The following CDK5RAP1 variants were observed in gnomAD, a reference collection of about 807,000 sequenced individuals.
The protein encoded by CDK5RAP1 is mitochondrial tRNA methylthiotransferase CDK5RAP1.
In CDK5RAP1, 62 loss-of-function variants were observed where a neutral mutation model predicts 64.5. That is an observed-to-expected ratio of 0.96 (90% CI 0.78 to 1.19). CDK5RAP1 has a LOEUF of 1.19. Ranked by LOEUF, CDK5RAP1 falls within the 50% of genes most tolerant of loss-of-function variation. The probability of loss-of-function intolerance (pLI) is 0.00; values close to 1 mark genes in which losing one functional copy is unlikely to be tolerated. For synonymous variants in CDK5RAP1, 250 were observed against 261.9 expected (o/e 0.95, Z 0.44); for missense variants, 657 against 735.0 (o/e 0.89, Z 1.23).
At chr20:33,366,391 G>A (rs892242900) in intron 12 of CDK5RAP1, among the ~76,000 whole-genome samples, 13 of 150,766 alleles carry the variant, frequency 8.6e-5, no homozygotes, top group African/African-American at 3.2e-4. Flanking sequence ...GGAGGCTGAG[G>A]TGGGTGGATA....
chr20:33,390,981 G>A (rs948473273), intron 5 of CDK5RAP1, among the ~76,000 whole-genome samples: 7 of 152,188 alleles, frequency 4.6e-5, no homozygotes, highest in African/African-American at 9.7e-5. Flanking sequence ...GCCTGGTGCA[G>A]TGGCTCACAC....
chr20:33,379,627 TG>T lies in CDK5RAP1; in HGVS notation c.940del (p.Gln314SerfsTer37). ...VNSFRDNSEVQFNSAVPTNLS... is the reference protein window; with the variant it reads ...VNSFRDNSEVXFNSAVPTNLS... ...ATTGGTAGGCACTGCACTGTTGAAC[TG>T]GACCTCCGAATTGTCCCGAAAACTA... On this transcript the variant is annotated frameshift_variant, in exon 8 of 14. Coordinates refer to ENST00000346416, the MANE Select transcript of CDK5RAP1 (RefSeq NM_016408.4). LOFTEE classifies it high-confidence loss of function. The T allele has an allele frequency of 6.2e-7, 1 of 1,614,174 alleles. No individual in the cohort carries two copies. The highest frequency in any genetic ancestry group is 8.5e-7 in the Non-Finnish European group (1 of 1,180,020).
At chr20:33,375,704 T>C (rs2146635202) in intron 8 of CDK5RAP1, among the ~76,000 whole-genome samples, 1 of 152,260 alleles carries the variant, frequency 6.6e-6, no homozygotes, top group South Asian at 2.1e-4. Context: ...CTCAGAGATA[T>C]CACAGGTTTG....
At chr20:33,359,968 C>G (rs1255634550) in intron 13 of CDK5RAP1, 2 of 174,128 alleles carry the variant, frequency 1.1e-5, no homozygotes, top group African/African-American at 4.8e-5. Context: ...CCAAGAAACT[C>G]GAGCACATGT....
At chr20:33,378,804 G>A (rs944528026) in intron 8 of CDK5RAP1, among the ~76,000 whole-genome samples, 1 of 152,016 alleles carries the variant, frequency 6.6e-6, no homozygotes, top group Non-Finnish European at 1.5e-5. Context: ...CCTCCTTCCT[G>A]TCCACCCCAC....
At chr20:33,401,530 C>T (rs966973807), upstream of CDK5RAP1, 3 of 985,334 alleles carry the variant, frequency 3.0e-6, no homozygotes, top group Admixed American at 6.1e-5. Context: ...AAGCGACTTC[C>T]GTTCCGCCGC....
chr20:33,391,217 C>T (rs1195308535), intron 5 of CDK5RAP1, among the ~76,000 whole-genome samples: 2 of 147,372 alleles, frequency 1.4e-5, no homozygotes, highest in African/African-American at 5.1e-5. Context: ...TCATGCCACT[C>T]CAGTCTGGGC....
At chr20:33,360,818 C>T (rs1982788210) in intron 12 of CDK5RAP1, among the ~76,000 whole-genome samples, 2 of 152,226 alleles carry the variant, frequency 1.3e-5, no homozygotes, top group South Asian at 2.1e-4. Context: ...GGAAAACCAA[C>T]TTTCACTTCA....
intron 8 of CDK5RAP1, among the ~76,000 whole-genome samples, chr20:33,377,863 G>A (rs908275994): frequency 6.6e-6 from 1 of 152,150 alleles, no homozygotes; most frequent in Non-Finnish European, 1.5e-5. Flanking sequence ...TGTTGGCCAG[G>A]CTGATCTAGA....
chr20:33,359,086 A>C lies in CDK5RAP1; in HGVS notation c.1721T>G (p.Val574Gly), dbSNP rs374958722. Residue 574 changes from valine to glycine, a missense_variant, in exon 14 of 14, where the codon GTT becomes GGT. By Grantham distance (109) the Val-to-Gly change is moderately radical. Coordinates refer to ENST00000346416, the MANE Select transcript of CDK5RAP1 (RefSeq NM_016408.4). ...SASSQTLRGHVLCRTTLRDSS... is the reference protein window; with the variant it reads ...SASSQTLRGHGLCRTTLRDSS... ...GTCCCTCAGAGTGGTCCTGCAGAGA[A>C]CATGTCCCCTAAGTGTCTGAGAACT... 2 of 1,613,864 alleles carry C rather than the reference A, an allele frequency of 1.2e-6. No individual in the cohort carries two copies. The highest frequency in any genetic ancestry group is 2.7e-5 in the African/African-American group (2 of 74,852).
chr20:33,394,635 C>T (rs546556585), intron 3 of CDK5RAP1, among the ~76,000 whole-genome samples: 6 of 152,170 alleles, frequency 3.9e-5, no homozygotes, highest in South Asian at 2.1e-4. Flanking sequence ...GCATGGTGAC[C>T]CACACCTGGA....
In CDK5RAP1 at chr20:33,385,587, C is replaced by A. The variant is rs1274549272; in HGVS notation, c.876+63G>T. The A allele has an allele frequency of 3.8e-6, 6 of 1,591,246 alleles. No individual in the cohort carries two copies. The African/African-American group carries it at 6.8e-5, about 18-fold the overall frequency. On this transcript the variant is annotated intron_variant, in intron 7 of 13. Coordinates refer to ENST00000346416, the MANE Select transcript of CDK5RAP1 (RefSeq NM_016408.4). ...CAGAGACAGCATAGGCTCAAAACTACAAAGGTTATCCTCATCCTCCCCCAA... is the reference window on the plus strand; with the variant it reads ...CAGAGACAGCATAGGCTCAAAACTAAAAAGGTTATCCTCATCCTCCCCCAA...
In CDK5RAP1 at chr20:33,385,735, T is replaced by G. The variant is rs1207326646; in HGVS notation, c.791A>C (p.Tyr264Ser). 6.2e-7 allele frequency: 1 copy of G among 1,613,806 alleles called. No homozygotes were observed. Among genetic ancestry groups the G allele is most frequent in the African/African-American group, 1.3e-5 (1 of 75,026 alleles). The change falls in exon 7 of 14, where the codon TAC becomes TCC. Residue 264 changes from tyrosine (Y) to serine (S), a missense_variant. Physicochemically the swap from Tyr to Ser is moderately radical, Grantham distance 144. Coordinates refer to ENST00000346416, the MANE Select transcript of CDK5RAP1 (RefSeq NM_016408.4). ...GCCCCGGGTGAAAGGAACAATGCAG[T>G]AGCTACACATGTTGTCACAGCCTCG... Reference protein sequence around the residue: ...IMRGCDNMCSYCIVPFTRGRE... With the variant: ...IMRGCDNMCSSCIVPFTRGRE...
At chr20:33,396,613 T>C (rs1988917513) in intron 2 of CDK5RAP1, 148 bp downstream of exon 2, 2 of 699,218 alleles carry the variant, frequency 2.9e-6, no homozygotes, top group East Asian at 5.0e-5. Context: ...TTTCTTGATA[T>C]TAATATTACT....
intron 5 of CDK5RAP1, among the ~76,000 whole-genome samples, chr20:33,388,812 A>T (rs1987851841): frequency 6.6e-6 from 1 of 151,886 alleles, no homozygotes; most frequent in African/African-American, 2.4e-5. Context: ...TTTTTGGTGG[A>T]GACTGGGTTT....
At chr20:33,369,512 AAACT>A (rs1357496435) in intron 11 of CDK5RAP1, among the ~76,000 whole-genome samples, 1 of 152,052 alleles carries the variant, frequency 6.6e-6, no homozygotes, top group Admixed American at 6.6e-5. Context: ...AGCAAAACAG[AAACT>A]AACAGCTCCT....
At chr20:33,399,311 G>A (rs745496799) in intron 1 of CDK5RAP1, among the ~76,000 whole-genome samples, 1 of 152,070 alleles carries the variant, frequency 6.6e-6, no homozygotes, top group Non-Finnish European at 1.5e-5. Flanking sequence ...TACACATGCT[G>A]TTCTCTGGCT....
At chr20:33,390,197 C>T (rs1988149340) in intron 5 of CDK5RAP1, among the ~76,000 whole-genome samples, 1 of 151,292 alleles carries the variant, frequency 6.6e-6, no homozygotes, top group South Asian at 2.1e-4. Context: ...TTGCTTGAGC[C>T]TGGGAGGTTG....
At chr20:33,388,568 C>T (rs1987788133) in intron 5 of CDK5RAP1, among the ~76,000 whole-genome samples, 1 of 115,392 alleles carries the variant, frequency 8.7e-6, no homozygotes, top group Non-Finnish European at 1.8e-5. Context: ...CTCCCTCTCC[C>T]TCTCCCCCTC....
Sources: gnomAD v4.1 joint callset for allele counts (sites outside exome capture counted in the v4.1 genomes callset) on GRCh38, gnomAD v4.1.1 for gene constraint, MANE v1.5 for transcripts, NCBI Gene and HGNC (gene_info 2026-07-23, HGNC 2026-07-21) for gene names.